The following CDH13 variants were observed in gnomAD, a reference collection of about 807,000 sequenced individuals.
CDH13 encodes cadherin 13.
A neutral mutation model predicts 63.8 loss-of-function variants in CDH13; 24 were observed. The observed-to-expected ratio is 0.38, with a 90% CI of 0.27 to 0.53. The LOEUF (loss-of-function observed/expected upper bound fraction) is 0.53. Among genes scored for constraint, CDH13 ranks in the 20% least tolerant of loss-of-function variants. CDH13 has a pLI of 0.85. For missense variants in CDH13, 1,049 were observed against 903.1 expected, an observed-to-expected ratio of 1.16 and a Z score of -2.07; for synonymous variants, 503 against 355.3, an observed-to-expected ratio of 1.42 and a Z score of -4.67.
intron 1 of CDH13, among the ~76,000 whole-genome samples, chr16:82,816,508 T>G (rs2037718406): frequency 6.6e-6 from 1 of 151,860 alleles, no homozygotes. Flanking sequence ...ATAGTGTGGG[T>G]GGAGAAGGCC....
chr16:83,694,436 G>C (rs569927773), intron 10 of CDH13, among the ~76,000 whole-genome samples: 29 of 152,284 alleles, frequency 1.9e-4, no homozygotes, highest in Non-Finnish European at 3.8e-4. Context: ...ATAAAGGATG[G>C]GGAGCAGTCA....
chr16:83,632,075 G>T (rs7188038), intron 8 of CDH13, among the ~76,000 whole-genome samples: 151,823 of 152,334 alleles, frequency 1, 75,658 homozygotes, highest in Middle Eastern at 1. Flanking sequence ...CCAATTATTT[G>T]GATCCACAGA....
intron 2 of CDH13, among the ~76,000 whole-genome samples, chr16:82,986,483 C>A (rs1041210633): frequency 3.9e-5 from 6 of 152,198 alleles, no homozygotes; most frequent in African/African-American, 1.4e-4. Flanking sequence ...AAAAACACTG[C>A]AAAATTTCAT....
At chr16:82,911,984 C>T (rs1157937234) in intron 2 of CDH13, among the ~76,000 whole-genome samples, 7 of 152,160 alleles carry the variant, frequency 4.6e-5, no homozygotes, top group South Asian at 2.1e-4. Flanking sequence ...TTGTGACCCA[C>T]GATTCAGCCA....
chr16:83,411,904 A>G (rs571435438), intron 6 of CDH13, among the ~76,000 whole-genome samples: 3 of 152,172 alleles, frequency 2.0e-5, no homozygotes, highest in Non-Finnish European at 4.4e-5. Flanking sequence ...ACAGAGGAAA[A>G]ACACGAGCTT....
intron 5 of CDH13, among the ~76,000 whole-genome samples, chr16:83,342,791 G>A (rs1329050586): frequency 6.8e-6 from 1 of 147,448 alleles, no homozygotes; most frequent in Non-Finnish European, 1.5e-5. Context: ...AGAATCTTAG[G>A]ATTCAGATCC....
chr16:83,761,564 C>T (rs965668029), intron 11 of CDH13, among the ~76,000 whole-genome samples: 10 of 152,228 alleles, frequency 6.6e-5, no homozygotes, highest in Non-Finnish European at 1.5e-4. Flanking sequence ...ATTGGTTACA[C>T]TCGGCATTTG....
At chr16:82,724,416 C>A (rs1261635249) in intron 1 of CDH13, among the ~76,000 whole-genome samples, 1 of 152,084 alleles carries the variant, frequency 6.6e-6, no homozygotes, top group Admixed American at 6.5e-5. Context: ...AATGACAGTC[C>A]TACAAGGCAG....
At chr16:83,474,681 G>A (rs2073555429) in intron 6 of CDH13, among the ~76,000 whole-genome samples, 1 of 152,206 alleles carries the variant, frequency 6.6e-6, no homozygotes, top group Non-Finnish European at 1.5e-5. Flanking sequence ...CAAGGAAATA[G>A]CAGTTCTCTG....
chr16:82,831,709 T>C (rs1315520139), intron 1 of CDH13, among the ~76,000 whole-genome samples: 1 of 152,222 alleles, frequency 6.6e-6, no homozygotes, highest in African/African-American at 2.4e-5. Flanking sequence ...TTTCTGCTGC[T>C]CCACATTGTT....
In CDH13 at chr16:83,785,375, T is replaced by TCATCC. The variant is rs568707457; in HGVS notation, c.2134+1914_2134+1918dup. Among the ~76,000 whole-genome samples the TCATCC allele has an allele frequency of 1.3e-3, 200 of 152,314 alleles. 1 individual carries two copies. The highest frequency in any genetic ancestry group is 4.5e-3 in the African/African-American group (185 of 41,572). ...AGGCAAGGCAGCTCTCTGGGGCATCTCATCCCATCCCATCCATGAGGACAC... is the reference window on the plus strand; with the variant it reads ...AGGCAAGGCAGCTCTCTGGGGCATCTCATCCCATCCCATCCCATCCATGAGGACAC... On this transcript the variant is annotated intron_variant, in intron 13 of 13. Transcript: ENST00000567109.
chr16:83,216,426 AT>A lies in CDH13; in HGVS notation c.484-918del, dbSNP rs374305312. Among the ~76,000 whole-genome samples the A allele has an allele frequency of 6.9e-4, 73 of 105,520 alleles. 10 individuals carry two copies. Among genetic ancestry groups the A allele is most frequent in the Middle Eastern group, 9.9e-3 (2 of 202 alleles). The allele number at this position is 105,520 out of a possible 152,430, so 69.2% of individuals were successfully genotyped here. On this transcript the variant is annotated intron_variant, in intron 4 of 13. Coordinates refer to ENST00000567109, the MANE Select transcript of CDH13 (RefSeq NM_001257.5). Reference sequence around the variant, plus strand: ...TATATATATATATATATATATATATATATATATATATATATATACACAACCC... The same window carrying A: ...TATATATATATATATATATATATATAATATATATATATATATACACAACCC...
chr16:83,471,028 G>A (rs1291856773), intron 6 of CDH13, among the ~76,000 whole-genome samples: 1 of 151,932 alleles, frequency 6.6e-6, no homozygotes, highest in Non-Finnish European at 1.5e-5. Context: ...CCAGCAGTGT[G>A]GCGTCTCCAG....
At chr16:82,882,655 G>A (rs35359335) in intron 2 of CDH13, among the ~76,000 whole-genome samples, 111,442 of 151,632 alleles carry the variant, frequency 0.73, 41,154 homozygotes, top group East Asian at 0.89. Context: ...CCTTCTTTCC[G>A]TTCTCCCTTT....
rs543604017 is a variant in CDH13 at position 83,782,729 on chromosome 16, C to G, written c.1916-525C>G. ...CCAGGCTGGGCAACAGAGTGAGACC[C>G]TGTCTCGAAAAAAAAAAAAAAAAAA... On this transcript the variant is annotated intron_variant, in intron 12 of 13. Transcript: ENST00000567109. Among the ~76,000 whole-genome samples, 18 of 141,128 alleles carry G rather than the reference C, an allele frequency of 1.3e-4. No homozygotes were observed. The South Asian group carries it at 2.0e-3, about 15-fold the overall frequency. The allele number at this position is 141,128 out of a possible 152,430, so 92.6% of individuals were successfully genotyped here.
chr16:83,439,332 C>T (rs140654107), intron 6 of CDH13, among the ~76,000 whole-genome samples: 21 of 152,192 alleles, frequency 1.4e-4, no homozygotes, highest in Admixed American at 5.9e-4. Context: ...GGAACACATC[C>T]GTAATTAAGA....
intron 6 of CDH13, among the ~76,000 whole-genome samples, chr16:83,377,143 C>G (rs1453010408): frequency 6.6e-6 from 1 of 152,152 alleles, no homozygotes; most frequent in Non-Finnish European, 1.5e-5. Context: ...CCCTAACCCA[C>G]AAAATCATAA....
intron 9 of CDH13, among the ~76,000 whole-genome samples, chr16:83,673,584 G>A (rs1193672183): frequency 2.6e-5 from 4 of 151,378 alleles, no homozygotes; most frequent in African/African-American, 7.3e-5. Flanking sequence ...TAACAACAAC[G>A]AAAAAAGAAA....
intron 1 of CDH13, among the ~76,000 whole-genome samples, chr16:82,648,284 A>G (rs35877604): frequency 0.27 from 41,212 of 152,158 alleles, 5,688 homozygotes; most frequent in African/African-American, 0.3. Flanking sequence ...AAATATGTAC[A>G]AAATACATTA....
Sources: gnomAD v4.1 joint callset for allele counts (sites outside exome capture counted in the v4.1 genomes callset) on GRCh38, gnomAD v4.1.1 for gene constraint, MANE v1.5 for transcripts, NCBI Gene and HGNC (gene_info 2026-07-23, HGNC 2026-07-21) for gene names.